BOC: variants seen among roughly 807,000 people sequenced by gnomAD.
BOC encodes BOC cell adhesion associated, oncogene regulated.
BOC carries 76 observed loss-of-function variants against 112.0 expected under a neutral mutation model. The observed-to-expected ratio is 0.68, with a 90% CI of 0.56 to 0.82. The LOEUF is 0.82. BOC is among the 40% of genes least tolerant of loss of function. The pLI, the probability that BOC is intolerant of heterozygous loss-of-function variation, is 0.00. For missense variants in BOC, 1,309 were observed against 1,511.7 expected (o/e 0.87, Z 2.22); for synonymous variants, 580 against 599.8 (o/e 0.97, Z 0.48).
intron 2 of BOC, among the ~76,000 whole-genome samples, chr3:113,233,147 G>A (rs947767749): frequency 2.2e-5 from 3 of 133,482 alleles, no homozygotes; most frequent in African/African-American, 9.3e-5. Flanking sequence ...TAAAGGATTG[G>A]GGTGTGTGTG....
chr3:113,213,723 G>A lies in BOC; in HGVS notation c.-170+1707G>A, dbSNP rs886857755. ...TAATTGAGACCCAGAAGCTTCTCGT[G>A]GTGATCTGAAAGCACCTTGGGGTCA... On this transcript the variant is annotated intron_variant, in intron 1 of 19. Coordinates refer to ENST00000682979, the MANE Select transcript of BOC (RefSeq NM_001378074.1). 2.0e-5 allele frequency among the ~76,000 whole-genome samples: 3 copies of A among 152,212 alleles called. No individual in the cohort carries two copies. In the South Asian group the frequency reaches 6.2e-4, roughly 32 times the overall value.
intron 2 of BOC, among the ~76,000 whole-genome samples, chr3:113,244,314 T>C (rs1010177226): frequency 2.0e-5 from 3 of 152,224 alleles, no homozygotes; most frequent in African/African-American, 7.2e-5. Flanking sequence ...CCCAGTAATA[T>C]TAATAATTAA....
chr3:113,270,719 C>T (rs1322954463), intron 5 of BOC, 82 bp from the exon 6 acceptor site: 15 of 1,485,624 alleles, frequency 1.0e-5, no homozygotes, highest in Admixed American at 4.2e-5. Flanking sequence ...CCTCTCCCTC[C>T]GTGCACCTCT....
intron 9 of BOC, among the ~76,000 whole-genome samples, chr3:113,275,468 A>C (rs1329131315): frequency 2.6e-5 from 4 of 152,214 alleles, no homozygotes; most frequent in Admixed American, 6.5e-5. Flanking sequence ...CCGTTACCCC[A>C]CAGGGATGAG....
Position 113,278,554 on chromosome 3 carries a change from A to G in BOC, c.1706-119A>G. 2 of 913,042 alleles carry G rather than the reference A, an allele frequency of 2.2e-6. No individual in the cohort carries two copies. The highest frequency in any genetic ancestry group is 3.4e-6 in the Non-Finnish European group (2 of 587,112). 56.6% of individuals were successfully genotyped at this position (913,042 alleles called of 1,614,324 possible). On this transcript the variant is annotated intron_variant, in intron 10 of 19. Coordinates refer to ENST00000682979, the MANE Select transcript of BOC (RefSeq NM_001378074.1). This position sits in a 1 kb window ranked among gnomAD's most constrained non-coding sequence, Gnocchi z 4.2. ...TGAGCCCACACCCTCAGTGCCCCGG[A>G]TGCTTATTTGCATCACTTTGTCATG... is the stretch of plus-strand genomic sequence containing the variant.
In BOC at chr3:113,232,165, A is replaced by G. The variant is rs1411845669; in HGVS notation, c.-82+15891A>G. Among the ~76,000 whole-genome samples the G allele has an allele frequency of 2.0e-5, 3 of 152,156 alleles. No homozygotes were observed. The East Asian group carries it at 5.8e-4, about 29-fold the overall frequency. On this transcript the variant is annotated intron_variant, in intron 2 of 19. Coordinates refer to ENST00000682979, the MANE Select transcript of BOC (RefSeq NM_001378074.1). ...ATTCCCCACACTTTGCTCCTGCTGTAAACAGTGGTGCCTGATCCAGCTGGC... is the reference window on the plus strand; with the variant it reads ...ATTCCCCACACTTTGCTCCTGCTGTGAACAGTGGTGCCTGATCCAGCTGGC...
chr3:113,259,090 C>T (rs1027499328), intron 4 of BOC, among the ~76,000 whole-genome samples: 15 of 152,256 alleles, frequency 9.9e-5, no homozygotes, highest in African/African-American at 1.2e-4. Context: ...CAGACAGATC[C>T]GTGGTGTAAG....
chr3:113,285,608 G>T (rs777007212), intron 19 of BOC, 43 bp downstream of exon 19: 1 of 1,491,434 alleles, frequency 6.7e-7, no homozygotes, highest in East Asian at 2.4e-5. Flanking sequence ...CAGGCTGGGG[G>T]TGACATGAGG....
intron 2 of BOC, among the ~76,000 whole-genome samples, chr3:113,219,028 C>T (rs908998859): frequency 3.3e-5 from 5 of 152,222 alleles, no homozygotes; most frequent in Non-Finnish European, 7.3e-5. Flanking sequence ...AAGAATTGAA[C>T]AGGTTGTCCA....
chr3:113,283,646 G>C lies in BOC; in HGVS notation c.2656+14G>C, dbSNP rs150411627. 4.4e-6 allele frequency: 7 copies of C among 1,606,986 alleles called. No individual in the cohort carries two copies. The African/African-American group carries it at 9.4e-5, about 22-fold the overall frequency. On this transcript the variant is annotated intron_variant, in intron 16 of 19. Coordinates refer to ENST00000682979, the MANE Select transcript of BOC (RefSeq NM_001378074.1). The stretch of plus-strand genomic sequence containing the variant: ...GGTCTAAGCAAAGTGAGTGAGTGAC[G>C]CTTTCAGTGGGAGGATCCTGGGTGG...
rs777038814 is a variant in BOC, at chr3:113,286,717, A to T, written c.3203A>T (p.Asp1068Val). 1 of 1,610,046 alleles carries T rather than the reference A, an allele frequency of 6.2e-7. No individual in the cohort carries two copies. Among genetic ancestry groups the T allele is most frequent in the East Asian group, 2.2e-5 (1 of 44,656 alleles). ...CLGLVPVEEVDSPDSCQVSGG... is the reference protein window; with the variant it reads ...CLGLVPVEEVVSPDSCQVSGG... Reference sequence around the variant, plus strand: ...GGCCTTGTGCCAGTTGAAGAGGTGGACAGTCCTGACTCCTGCCAAGTGAGT... The same window carrying T: ...GGCCTTGTGCCAGTTGAAGAGGTGGTCAGTCCTGACTCCTGCCAAGTGAGT... The change falls in exon 20 of 20, where the codon GAC becomes GTC. Residue 1068 changes from aspartate to valine, a missense_variant. Asp to Val is a radical substitution (Grantham distance 152). Coordinates refer to ENST00000682979, the MANE Select transcript of BOC (RefSeq NM_001378074.1).
At position 113,254,401 on chromosome 3, in the gene BOC, C is replaced by T. The variant is rs553799312; in HGVS notation, c.376+3568C>T. 1.1e-4 allele frequency among the ~76,000 whole-genome samples: 16 copies of T among 151,890 alleles called. No individual in the cohort carries two copies. The South Asian group carries it at 2.9e-3, about 28-fold the overall frequency. Reference sequence around the variant, plus strand: ...CTTGGAGGAGGCAGCAACGAGGTGGCGGGAAGGTGGGTGGGGGCAAGTGAA... The same window carrying T: ...CTTGGAGGAGGCAGCAACGAGGTGGTGGGAAGGTGGGTGGGGGCAAGTGAA... On this transcript the variant is annotated intron_variant, in intron 4 of 19. Coordinates refer to ENST00000682979, the MANE Select transcript of BOC (RefSeq NM_001378074.1).
At position 113,286,906 on chromosome 3, in the gene BOC, T is replaced by TTTA. The variant is rs753078986; in HGVS notation, c.*44_*45insTTA. 12 of 1,254,554 alleles carry TTTA rather than the reference T, an allele frequency of 9.6e-6. No individual in the cohort carries two copies. The highest frequency in any genetic ancestry group is 5.1e-5 in the Admixed American group (2 of 38,854). 77.7% of individuals were successfully genotyped at this position (1,254,554 alleles called of 1,614,324 possible). The stretch of plus-strand genomic sequence containing the variant: ...GAAAGACTATATATTGTTTTTTTTT[T>TTTA]AAAAAAAAAAAGAAGAAAAAAGAGA... On this transcript the variant is annotated 3_prime_UTR_variant, in exon 20 of 20. Transcript: ENST00000682979.
intron 2 of BOC, among the ~76,000 whole-genome samples, chr3:113,236,794 T>G (rs1943625775): frequency 6.6e-6 from 1 of 152,226 alleles, no homozygotes; most frequent in South Asian, 2.1e-4. Context: ...GCCACTGCAT[T>G]AAATCAGGCA....
chr3:113,216,907 AT>A (rs1428666391), intron 2 of BOC, among the ~76,000 whole-genome samples: 5 of 152,158 alleles, frequency 3.3e-5, no homozygotes, highest in African/African-American at 1.2e-4. Flanking sequence ...AGGAAAGTGC[AT>A]AATATGGGTA....
intron 2 of BOC, among the ~76,000 whole-genome samples, chr3:113,221,530 G>A (rs1940653652): frequency 6.6e-6 from 1 of 152,078 alleles, no homozygotes; most frequent in South Asian, 2.1e-4. Flanking sequence ...CAAAAATCTT[G>A]GAGTCATCCT....
chr3:113,242,975 G>A (rs1944494710), intron 2 of BOC, among the ~76,000 whole-genome samples: 1 of 152,224 alleles, frequency 6.6e-6, no homozygotes, highest in South Asian at 2.1e-4. Flanking sequence ...TTAATATAGG[G>A]GTTGGCAGTG....
chr3:113,281,288 G>A, intron 15 of BOC, 135 bp downstream of exon 15: 1 of 1,106,398 alleles, frequency 9.0e-7, no homozygotes, highest in South Asian at 1.7e-5. Flanking sequence ...CCTCAGACTT[G>A]GTCATGTTTC....
Position 113,273,187 on chromosome 3 carries a change from T to C in BOC, c.1080T>C (p.Ala360=), listed in dbSNP as rs1040129108. 2.4e-5 allele frequency: 38 copies of C among 1,614,016 alleles called. No homozygotes were observed. Among genetic ancestry groups the C allele is most frequent in the Middle Eastern group, 1.7e-4 (1 of 6,060 alleles). ...CCTCCGTGCTGTGGCTGAGGAATGC[T>C]GTGCCCCTCATCTCCAGCCAGCGCC... ...PPPSVLWLRN[A]VPLISSQRLR... is the part of the protein sequence containing the mutation. The change falls in exon 8 of 20, where the codon GCT becomes GCC. Residue 360 remains alanine, a synonymous_variant. Coordinates refer to ENST00000682979, the MANE Select transcript of BOC (RefSeq NM_001378074.1).
Sources: allele counts gnomAD v4.1 joint callset (sites outside exome capture counted in the v4.1 genomes callset), GRCh38; gene constraint gnomAD v4.1.1; non-coding constraint Gnocchi (gnomAD v3.1); transcripts MANE v1.5; gene names NCBI Gene and HGNC (gene_info 2026-07-23, HGNC 2026-07-21).